Variants in ACTL8 observed in about 807,000 individuals in gnomAD.
ACTL8 encodes the protein actin like 8.
Under a neutral mutation model 9.3 loss-of-function variants are expected in ACTL8, and 3 were observed. That is an observed-to-expected ratio of 0.32 (90% CI 0.15 to 0.83). The LOEUF (loss-of-function observed/expected upper bound fraction) is 0.83, where lower values mean the gene tolerates loss of function less well. ACTL8 is among the 40% of genes least tolerant of loss of function. The pLI, the probability that ACTL8 is intolerant of heterozygous loss-of-function variation, is 0.57. For missense variants in ACTL8, 381 were observed against 492.2 expected (o/e 0.77, Z 2.14); for synonymous variants, 224 against 205.9 (o/e 1.09, Z -0.75).
chr1:17,793,893 G>A (rs937619306), intron 1 of ACTL8, among the ~76,000 whole-genome samples: 2 of 152,132 alleles, frequency 1.3e-5, no homozygotes, highest in African/African-American at 4.8e-5. Context: ...GTTGGCTTGC[G>A]GTCAGTGCTG....
intron 1 of ACTL8, among the ~76,000 whole-genome samples, chr1:17,757,553 C>T (rs908234113): frequency 7.7e-6 from 1 of 129,164 alleles, no homozygotes; most frequent in Non-Finnish European, 1.5e-5. Context: ...TGCTTTTTCT[C>T]TGTTAAGAAA....
intron 1 of ACTL8, 149 bp from the exon 2 acceptor site, chr1:17,822,836 A>G: frequency 3.2e-6 from 2 of 618,058 alleles, no homozygotes; most frequent in East Asian, 5.5e-5. Flanking sequence ...GGAGTGTTCC[A>G]GGCACAGGTA....
At chr1:17,822,930 T>A in intron 1 of ACTL8, 55 bp from the exon 2 acceptor site, 2 of 1,247,474 alleles carry the variant, frequency 1.6e-6, no homozygotes, top group Non-Finnish European at 2.2e-6. Context: ...AGGGGGAAGC[T>A]GCTTATGGTG....
At chr1:17,776,969 ATTTTTT>A (rs765972298) in intron 1 of ACTL8, among the ~76,000 whole-genome samples, 564 of 50,424 alleles carry the variant, frequency 0.011, 8 homozygotes, top group African/African-American at 0.041. Context: ...CTGGCTAATG[ATTTTTT>A]TTTTTTTTTT....
chr1:17,779,195 C>A (rs895063149), intron 1 of ACTL8, among the ~76,000 whole-genome samples: 1 of 152,086 alleles, frequency 6.6e-6, no homozygotes, highest in Admixed American at 6.5e-5. Flanking sequence ...GGACCCTCTC[C>A]CTCCTGGACC....
chr1:17,774,151 G>C (rs769684390), intron 1 of ACTL8, among the ~76,000 whole-genome samples: 1 of 152,184 alleles, frequency 6.6e-6, no homozygotes, highest in Non-Finnish European at 1.5e-5. Context: ...GGTCCTCTGA[G>C]GCCAAAATCT....
chr1:17,787,819 T>C (rs192804751), intron 1 of ACTL8, among the ~76,000 whole-genome samples: 22 of 152,338 alleles, frequency 1.4e-4, no homozygotes, highest in Admixed American at 1.2e-3. Flanking sequence ...TTTTAATAGC[T>C]GTTGCCAGCT....
chr1:17,813,634 A>G (rs565522050), intron 1 of ACTL8, among the ~76,000 whole-genome samples: 1 of 152,316 alleles, frequency 6.6e-6, no homozygotes, highest in East Asian at 1.9e-4. Flanking sequence ...TGGCCCCACA[A>G]ACTGAGTTGG....
chr1:17,780,887 A>G (rs978831025), intron 1 of ACTL8, among the ~76,000 whole-genome samples: 2 of 152,188 alleles, frequency 1.3e-5, no homozygotes, highest in East Asian at 1.9e-4. Context: ...GGGAGGTTCT[A>G]AACTGGAGTC....
chr1:17,758,643 G>A (rs978289421), intron 1 of ACTL8, among the ~76,000 whole-genome samples: 6 of 152,196 alleles, frequency 3.9e-5, no homozygotes, highest in South Asian at 2.1e-4. Flanking sequence ...CAGTTCTGGA[G>A]TTACTTGGCA....
At chr1:17,825,277 TCTTC>T (rs2124197445) in intron 2 of ACTL8, among the ~76,000 whole-genome samples, 1 of 151,776 alleles carries the variant, frequency 6.6e-6, no homozygotes, top group East Asian at 1.9e-4. Flanking sequence ...TCTTTTCTTT[TCTTC>T]CTTCCTTTCC....
intron 1 of ACTL8, among the ~76,000 whole-genome samples, chr1:17,791,698 C>T (rs183393877): frequency 5.6e-4 from 85 of 152,302 alleles, no homozygotes; most frequent in African/African-American, 1.9e-3. Context: ...CACCAGGCCC[C>T]GAAGCCAGCC....
intron 1 of ACTL8, among the ~76,000 whole-genome samples, chr1:17,815,657 A>G (rs1465918657): frequency 1.3e-5 from 2 of 152,002 alleles, no homozygotes; most frequent in Admixed American, 1.3e-4. Flanking sequence ...CTTTGAATTT[A>G]TTTTCTATGG....
At chr1:17,775,720 C>T (rs1570003364) in intron 1 of ACTL8, among the ~76,000 whole-genome samples, 1 of 152,204 alleles carries the variant, frequency 6.6e-6, no homozygotes, top group Non-Finnish European at 1.5e-5. Flanking sequence ...GGCTTGACTC[C>T]ACTCCAGGCA....
chr1:17,774,353 C>T (rs2102679965), intron 1 of ACTL8, among the ~76,000 whole-genome samples: 1 of 152,080 alleles, frequency 6.6e-6, no homozygotes, highest in East Asian at 1.9e-4. Context: ...AGTCCCAGGG[C>T]CAGACCCAGC....
rs747479539 is a variant in ACTL8 at position 17,825,942 on chromosome 1, T to A, written c.524T>A (p.Phe175Tyr). The part of the protein sequence containing the change: ...PLPASGKTLE[F>Y]AGQDLSAYLL... ...CCCGCCAGCGGCAAGACGCTGGAGT[T>A]CGCCGGCCAGGATCTCTCCGCCTAT... The change falls in exon 3 of 3, where the codon TTC becomes TAC. Residue 175 changes from phenylalanine (F) to tyrosine (Y), a missense_variant. By Grantham distance (22) the Phe-to-Tyr change is conservative. This residue lies in a region of ACTL8 where 243 missense variants were observed against 276.2 expected (regional missense o/e 0.88). Transcript: ENST00000375406. The A allele has an allele frequency of 6.2e-7, 1 of 1,611,572 alleles. No homozygotes were observed. Among genetic ancestry groups the A allele is most frequent in the South Asian group, 1.1e-5 (1 of 91,080 alleles).
At chr1:17,812,532 C>G (rs562980943) in intron 1 of ACTL8, among the ~76,000 whole-genome samples, 1 of 150,012 alleles carries the variant, frequency 6.7e-6, no homozygotes, top group Admixed American at 6.7e-5. Flanking sequence ...CGGGCTCAAG[C>G]AATTCTCCTG....
At chr1:17,817,557 C>T (rs920379420) in intron 1 of ACTL8, among the ~76,000 whole-genome samples, 3 of 152,148 alleles carry the variant, frequency 2.0e-5, no homozygotes, top group Non-Finnish European at 4.4e-5. Context: ...TTGCCCTCCT[C>T]CCTGGCCATT....
chr1:17,810,171 T>C (rs2066384417), intron 1 of ACTL8, among the ~76,000 whole-genome samples: 1 of 152,216 alleles, frequency 6.6e-6, no homozygotes, highest in Non-Finnish European at 1.5e-5. Flanking sequence ...TGTCTTGCTG[T>C]CTCCCATATC....
Sources: allele counts gnomAD v4.1 joint callset (sites outside exome capture counted in the v4.1 genomes callset), GRCh38; gene constraint gnomAD v4.1.1; regional missense constraint gnomAD v4.1.1; transcripts MANE v1.5; gene names NCBI Gene and HGNC (gene_info 2026-07-23, HGNC 2026-07-21).